Variants in VPS13B observed in about 807,000 individuals in gnomAD.
VPS13B encodes the protein vacuolar protein sorting 13 homolog B.
In VPS13B, 285 loss-of-function variants were observed where a neutral mutation model predicts 426.4. That is an observed-to-expected ratio of 0.67 (90% CI 0.61 to 0.74). The LOEUF is 0.74. Among genes scored for constraint, VPS13B ranks in the 30% least tolerant of loss-of-function variants. VPS13B has a pLI of 0.00. For missense variants in VPS13B, 4,537 were observed against 4,782.6 expected (o/e 0.95, Z 1.51); for synonymous variants, 1,676 against 1,676.4 (o/e 1.00, Z 0.01).
intron 19 of VPS13B, among the ~76,000 whole-genome samples, chr8:99,290,510 T>C (rs1819669579): frequency 6.6e-6 from 1 of 151,328 alleles, no homozygotes; most frequent in Non-Finnish European, 1.5e-5. Flanking sequence ...TGTCATGGGG[T>C]GCGGGGAGAG....
chr8:99,329,032 G>T (rs1032773951), intron 19 of VPS13B, among the ~76,000 whole-genome samples: 2 of 152,038 alleles, frequency 1.3e-5, no homozygotes, highest in Admixed American at 6.6e-5. Flanking sequence ...TCAGTTGAGT[G>T]CTTCTTAGCT....
In VPS13B at chr8:99,154,162, T is replaced by G. The variant is rs1051023747; in HGVS notation, c.2014-2387T>G. On this transcript the variant is annotated intron_variant, in intron 14 of 61. Coordinates refer to ENST00000357162, the MANE Select transcript of VPS13B (RefSeq NM_152564.5). ...TGTCTGTATGTAGGTTTTTTTTGTT[T>G]TTTTTTTTGGCATTTATCCTGCTTG... is the stretch of plus-strand genomic sequence containing the variant. Among the ~76,000 whole-genome samples, 7 of 151,664 alleles carry G rather than the reference T, an allele frequency of 4.6e-5. No individual in the cohort carries two copies. In the East Asian group the frequency reaches 1.3e-3, roughly 29 times the overall value.
At chr8:99,627,884 A>G (rs571075821) in intron 33 of VPS13B, among the ~76,000 whole-genome samples, 1 of 152,140 alleles carries the variant, frequency 6.6e-6, no homozygotes, top group Admixed American at 6.6e-5. Context: ...CTTTGCTTTT[A>G]TATGTTTTAC....
At chr8:99,815,231 G>A (rs1018853594) in intron 44 of VPS13B, among the ~76,000 whole-genome samples, 2 of 152,044 alleles carry the variant, frequency 1.3e-5, no homozygotes, top group Admixed American at 6.6e-5. Flanking sequence ...GCAAGCTGCA[G>A]ACCCAGGAGA....
At chr8:99,815,941 C>T (rs1814008185) in intron 44 of VPS13B, among the ~76,000 whole-genome samples, 1 of 152,194 alleles carries the variant, frequency 6.6e-6, no homozygotes, top group African/African-American at 2.4e-5. Flanking sequence ...GAGTGATACT[C>T]CTGCCTCAGC....
At chr8:99,591,719 C>A (rs1826687420) in intron 33 of VPS13B, among the ~76,000 whole-genome samples, 1 of 152,152 alleles carries the variant, frequency 6.6e-6, no homozygotes. Flanking sequence ...GCCAAGAGAT[C>A]AGCTGTTAGT....
chr8:99,338,040 C>T (rs1450587380), intron 19 of VPS13B, among the ~76,000 whole-genome samples: 1 of 152,022 alleles, frequency 6.6e-6, no homozygotes, highest in Admixed American at 6.6e-5. Context: ...GAATTCTATT[C>T]TGGTTTTTTA....
chr8:99,373,718 C>T (rs538925147), intron 19 of VPS13B, among the ~76,000 whole-genome samples: 220 of 152,040 alleles, frequency 1.4e-3, no homozygotes, highest in African/African-American at 4.8e-3. Flanking sequence ...TAAAAATAGC[C>T]GGGTATGGTG....
intron 21 of VPS13B, among the ~76,000 whole-genome samples, chr8:99,419,581 G>A (rs1387359759): frequency 6.6e-6 from 1 of 151,942 alleles, no homozygotes; most frequent in Admixed American, 6.6e-5. Flanking sequence ...TGTGGTTAAG[G>A]CAGTTGCCCC....
chr8:99,349,281 C>T (rs1403192867), intron 19 of VPS13B, among the ~76,000 whole-genome samples: 3 of 116,356 alleles, frequency 2.6e-5, no homozygotes, highest in East Asian at 2.5e-4. Flanking sequence ...TGCAGTGAGC[C>T]GAGATTGCGC....
chr8:99,178,403 A>C (rs1812758325), intron 16 of VPS13B, among the ~76,000 whole-genome samples: 1 of 151,510 alleles, frequency 6.6e-6, no homozygotes, highest in African/African-American at 2.4e-5. Context: ...ATTTCTAATA[A>C]TAGCATCATA....
intron 19 of VPS13B, among the ~76,000 whole-genome samples, chr8:99,322,067 C>T (rs913913915): frequency 7.9e-5 from 12 of 152,152 alleles, no homozygotes; most frequent in African/African-American, 2.7e-4. Flanking sequence ...TGCTCACTGG[C>T]CAAAGACCAC....
At chr8:99,377,966 A>G (rs997921305) in intron 19 of VPS13B, among the ~76,000 whole-genome samples, 11 of 152,212 alleles carry the variant, frequency 7.2e-5, no homozygotes, top group Admixed American at 5.9e-4. Context: ...ATTGTCATTG[A>G]TAAACATCTT....
At chr8:99,582,857 G>A (rs957120804) in intron 33 of VPS13B, among the ~76,000 whole-genome samples, 6 of 151,996 alleles carry the variant, frequency 3.9e-5, no homozygotes, top group African/African-American at 9.7e-5. Flanking sequence ...GGGTTTCACC[G>A]TGTTAGCCAG....
At chr8:99,141,499 A>G (rs568524259) in intron 12 of VPS13B, among the ~76,000 whole-genome samples, 2 of 152,310 alleles carry the variant, frequency 1.3e-5, no homozygotes, top group African/African-American at 4.8e-5. Context: ...TCTGTCTTAC[A>G]TGTAATTCTA....
At chr8:99,716,829 A>T (rs1470736714) in intron 36 of VPS13B, among the ~76,000 whole-genome samples, 3 of 152,212 alleles carry the variant, frequency 2.0e-5, no homozygotes, top group Non-Finnish European at 1.5e-5. Flanking sequence ...CCATCATGTT[A>T]ACAATAGACA....
chr8:99,525,296 G>C (rs937860228), intron 30 of VPS13B, among the ~76,000 whole-genome samples: 1 of 152,124 alleles, frequency 6.6e-6, no homozygotes, highest in Admixed American at 6.5e-5. Flanking sequence ...CAAGCACAGA[G>C]TTTTTATTTT....
At chr8:99,045,215 A>G (rs1036974724) in intron 3 of VPS13B, among the ~76,000 whole-genome samples, 8 of 152,126 alleles carry the variant, frequency 5.3e-5, no homozygotes, top group African/African-American at 1.9e-4. Flanking sequence ...GCCAATATCT[A>G]TTATTTTTTG....
intron 30 of VPS13B, among the ~76,000 whole-genome samples, chr8:99,535,129 T>C (rs1265513154): frequency 9.2e-5 from 14 of 152,140 alleles, no homozygotes. Flanking sequence ...ATTAATTAAT[T>C]TAATGTGCAG....
Sources: allele counts gnomAD v4.1 joint callset (sites outside exome capture counted in the v4.1 genomes callset), GRCh38; gene constraint gnomAD v4.1.1; transcripts MANE v1.5; gene names NCBI Gene and HGNC (gene_info 2026-07-23, HGNC 2026-07-21).